The following LIMD1 variants were observed in gnomAD, a reference collection of about 807,000 sequenced individuals.
LIMD1 encodes LIM domain containing 1.
Under a neutral mutation model 58.4 loss-of-function variants are expected in LIMD1, and 23 were observed. That is an observed-to-expected ratio of 0.39 (90% CI 0.28 to 0.56). LIMD1 has a LOEUF of 0.56. Ranked by LOEUF, LIMD1 falls within the 20% of genes least tolerant of loss-of-function variation. The probability of loss-of-function intolerance (pLI) is 0.57; values close to 1 mark genes in which losing one functional copy is unlikely to be tolerated. For missense variants in LIMD1, 838 were observed against 855.5 expected (o/e 0.98, Z 0.25); for synonymous variants, 334 against 345.5 (o/e 0.97, Z 0.37).
intron 2 of LIMD1, among the ~76,000 whole-genome samples, chr3:45,655,583 A>G (rs908912735): frequency 4.6e-5 from 7 of 152,232 alleles, no homozygotes; most frequent in Admixed American, 6.5e-5. Context: ...GACTAGCACC[A>G]TCAGCATCAC....
chr3:45,599,468 C>T (rs568101783), intron 1 of LIMD1, among the ~76,000 whole-genome samples: 1 of 152,216 alleles, frequency 6.6e-6, no homozygotes, highest in East Asian at 1.9e-4. Context: ...TAAGCAAGCA[C>T]GCACAGTGAA....
At chr3:45,602,800 T>C (rs576616503) in intron 1 of LIMD1, among the ~76,000 whole-genome samples, 20 of 152,168 alleles carry the variant, frequency 1.3e-4, no homozygotes, top group Non-Finnish European at 2.5e-4. Context: ...CATCTGACAG[T>C]CTGTTGCACA....
At chr3:45,618,731 GTGAAGAAGCCACAAC>G (rs1246476989) in intron 1 of LIMD1, among the ~76,000 whole-genome samples, 128 of 152,230 alleles carry the variant, frequency 8.4e-4, no homozygotes, top group African/African-American at 2.8e-3. Flanking sequence ...CATTTGGTGG[GTGAAGAAGCCACAAC>G]GATGCCCGAG....
At chr3:45,632,462 G>A (rs933090358) in intron 1 of LIMD1, 2 of 959,818 alleles carry the variant, frequency 2.1e-6, no homozygotes, top group African/African-American at 1.8e-5. Flanking sequence ...CTGTGGCTGG[G>A]GGTGTTCAGA....
chr3:45,668,208 T>C, intron 3 of LIMD1, 86 bp from the exon 4 acceptor site: 1 of 1,032,978 alleles, frequency 9.7e-7, no homozygotes, highest in Non-Finnish European at 1.5e-6. Context: ...TTCTGAGAAA[T>C]TCCTTATAAT....
At position 45,668,166 on chromosome 3, in the gene LIMD1, G is replaced by A; in HGVS notation, c.1579-128G>A. On this transcript the variant is annotated intron_variant, in intron 3 of 7. Transcript: ENST00000273317. ...AGCCCACAGCTGTGTTGTACTTGGG[G>A]ATGACAGAATTCTGCACAGAGTGAC... 4 of 693,116 alleles carry A rather than the reference G, an allele frequency of 5.8e-6. No individual in the cohort carries two copies. The South Asian group carries it at 6.8e-5, about 12-fold the overall frequency. 42.9% of individuals were successfully genotyped at this position (693,116 alleles called of 1,614,324 possible).
rs1697698284 is a variant in LIMD1 at position 45,678,369 on chromosome 3, C to G, written c.*1310C>G. 6.6e-6 allele frequency: 1 copy of G among 152,638 alleles called. No homozygotes were observed. The highest frequency in any genetic ancestry group is 6.5e-5 in the Admixed American group (1 of 15,274). The allele number at this position is 152,638 out of a possible 1,614,324, so 9.5% of individuals were successfully genotyped here. On this transcript the variant is annotated 3_prime_UTR_variant, in exon 8 of 8. Transcript: ENST00000273317. ...GCTGGTCAGGGCAGAGTGATCGTAA[C>G]TAAAGGTCAGTGGGGAATAGATCCG...
rs1160773189 is a variant in LIMD1 at position 45,681,924 on chromosome 3, G to A, written c.*4865G>A. On this transcript the variant is annotated 3_prime_UTR_variant, in exon 8 of 8. Transcript: ENST00000273317. ...TGAATGTTACTGTTTTTTCTCTTCT[G>A]AGGTTATGACCAAAGAATCCTCAAG... The A allele has an allele frequency of 6.6e-6, 1 of 152,174 alleles. No individual in the cohort carries two copies. The highest frequency in any genetic ancestry group is 2.4e-5 in the African/African-American group (1 of 41,436). 9.4% of individuals were successfully genotyped at this position (152,174 alleles called of 1,614,324 possible). A position where few individuals can be genotyped will look rare whatever the true frequency, so the allele number is the denominator to read the frequency against.
At chr3:45,601,293 A>T (rs969817696) in intron 1 of LIMD1, among the ~76,000 whole-genome samples, 1 of 152,174 alleles carries the variant, frequency 6.6e-6, no homozygotes, top group Non-Finnish European at 1.5e-5. Flanking sequence ...CTTTAGGGTC[A>T]TCCTAGTTGG....
chr3:45,655,553 T>G (rs1262428495), intron 2 of LIMD1, among the ~76,000 whole-genome samples: 1 of 152,170 alleles, frequency 6.6e-6, no homozygotes, highest in Non-Finnish European at 1.5e-5. Context: ...GACTTGGTGG[T>G]TCTCAAAGTG....
rs1701319830 is a variant in LIMD1 at position 45,594,806 on chromosome 3, C to CACACACACACACACACACACGGCACCTGG, written c.-54_-53insGGCACCTGGACACACACACACACACACAC. 2.1e-6 allele frequency: 1 copy of CACACACACACACACACACACGGCACCTGG among 486,272 alleles called. No individual in the cohort carries two copies. Among genetic ancestry groups the CACACACACACACACACACACGGCACCTGG allele is most frequent in the African/African-American group, 2.0e-5 (1 of 50,058 alleles). 30.1% of individuals were successfully genotyped at this position (486,272 alleles called of 1,614,324 possible). A position where few individuals can be genotyped will look rare whatever the true frequency, so the allele number is the denominator to read the frequency against. On this transcript the variant is annotated 5_prime_UTR_variant, in exon 1 of 8. Transcript: ENST00000273317. ...ACACACACACACACACACACACACA[C>CACACACACACACACACACACGGCACCTGG]ACACACACACACACACACACACACA... is the stretch of plus-strand genomic sequence containing the variant.
intron 1 of LIMD1, among the ~76,000 whole-genome samples, chr3:45,604,789 C>T (rs529579937): frequency 6.6e-6 from 1 of 152,316 alleles, no homozygotes; most frequent in South Asian, 2.1e-4. Flanking sequence ...CCCACAGCGT[C>T]TGCCTGTCCC....
At chr3:45,610,486 GA>G (rs1465093228) in intron 1 of LIMD1, among the ~76,000 whole-genome samples, 1 of 152,092 alleles carries the variant, frequency 6.6e-6, no homozygotes, top group Non-Finnish European at 1.5e-5. Context: ...GAAACTTATA[GA>G]GTTCCAGGGA....
chr3:45,648,133 G>T (rs959711148), intron 2 of LIMD1, among the ~76,000 whole-genome samples: 1 of 152,064 alleles, frequency 6.6e-6, no homozygotes, highest in Non-Finnish European at 1.5e-5. Context: ...AACTGATCAT[G>T]ATTTTACTCC....
At chr3:45,603,279 A>G (rs1477679860) in intron 1 of LIMD1, among the ~76,000 whole-genome samples, 2 of 152,190 alleles carry the variant, frequency 1.3e-5, no homozygotes, top group East Asian at 1.9e-4. Flanking sequence ...CTTGTAATAA[A>G]GCAGCCCCTC....
At chr3:45,643,366 T>C (rs559627717) in intron 2 of LIMD1, among the ~76,000 whole-genome samples, 1 of 151,970 alleles carries the variant, frequency 6.6e-6, no homozygotes, top group South Asian at 2.1e-4. Context: ...ATGCCTATAA[T>C]ACTAGCTATT....
chr3:45,682,260 A>C lies in LIMD1; in HGVS notation c.*5201A>C, dbSNP rs1216778540. 1 of 152,258 alleles carries C rather than the reference A, an allele frequency of 6.6e-6. No homozygotes were observed. Among genetic ancestry groups the C allele is most frequent in the Non-Finnish European group, 1.5e-5 (1 of 68,052 alleles). 9.4% of individuals were successfully genotyped at this position (152,258 alleles called of 1,614,324 possible). A position where few individuals can be genotyped will look rare whatever the true frequency, so the allele number is the denominator to read the frequency against. On this transcript the variant is annotated 3_prime_UTR_variant, in exon 8 of 8. Coordinates refer to ENST00000273317, the MANE Select transcript of LIMD1 (RefSeq NM_014240.3). ...TAAGACCTTGATGGTATAAGGAGTG[A>C]AGATGCAATCAGGGTAAAAGGCGGT...
intron 4 of LIMD1, among the ~76,000 whole-genome samples, chr3:45,672,252 G>A (rs910341584): frequency 2.0e-5 from 3 of 152,132 alleles, no homozygotes; most frequent in Admixed American, 6.5e-5. Flanking sequence ...TCATTTTTCC[G>A]AGTACTTGCT....
intron 4 of LIMD1, among the ~76,000 whole-genome samples, chr3:45,672,389 A>G (rs1012836001): frequency 6.6e-6 from 1 of 152,138 alleles, no homozygotes; most frequent in Non-Finnish European, 1.5e-5. Flanking sequence ...CTCTTAAAGA[A>G]CTATGCAAGA....
Sources: gnomAD v4.1 joint callset for allele counts (sites outside exome capture counted in the v4.1 genomes callset) on GRCh38, gnomAD v4.1.1 for gene constraint, MANE v1.5 for transcripts, NCBI Gene and HGNC (gene_info 2026-07-23, HGNC 2026-07-21) for gene names.